Variants in SUGCT observed in about 807,000 individuals in gnomAD.
The protein encoded by SUGCT is succinyl-CoA:glutarate CoA-transferase.
In SUGCT, 41 loss-of-function variants were observed where a neutral mutation model predicts 55.0. The observed-to-expected ratio is 0.74, with a 90% CI of 0.58 to 0.97. The LOEUF (loss-of-function observed/expected upper bound fraction) is 0.97, where lower values mean the gene tolerates loss of function less well. Ranked by LOEUF, SUGCT falls within the 50% of genes least tolerant of loss-of-function variation. The pLI, the probability that SUGCT is intolerant of heterozygous loss-of-function variation, is 0.00. For synonymous variants in SUGCT, 187 were observed against 200.4 expected (o/e 0.93, Z 0.56); for missense variants, 568 against 547.8 (o/e 1.04, Z -0.37).
At chr7:40,274,720 G>T in intron 8 of SUGCT, 64 bp downstream of exon 8, 2 of 1,480,450 alleles carry the variant, frequency 1.4e-6, no homozygotes, top group Non-Finnish European at 1.9e-6. Flanking sequence ...TACCTTTTCA[G>T]ATCAAATTCT....
intron 11 of SUGCT, among the ~76,000 whole-genome samples, chr7:40,467,475 A>C (rs893249841): frequency 6.6e-6 from 1 of 152,194 alleles, no homozygotes; most frequent in Non-Finnish European, 1.5e-5. Context: ...TTATTTAAAA[A>C]TGTACAGTGA....
At chr7:40,253,582 A>G (rs1345106319) in intron 7 of SUGCT, among the ~76,000 whole-genome samples, 2 of 146,414 alleles carry the variant, frequency 1.4e-5, no homozygotes, top group African/African-American at 5.0e-5. Context: ...TTTTTTTTTG[A>G]GGCGGAGCCT....
intron 13 of SUGCT, among the ~76,000 whole-genome samples, chr7:40,844,769 GA>G (rs1461215352): frequency 6.6e-6 from 1 of 152,206 alleles, no homozygotes; most frequent in Non-Finnish European, 1.5e-5. Context: ...GTATCAATAG[GA>G]AGCTCTCACA....
At chr7:40,624,474 C>A (rs371620263) in intron 12 of SUGCT, among the ~76,000 whole-genome samples, 2 of 151,984 alleles carry the variant, frequency 1.3e-5, no homozygotes, top group Admixed American at 6.6e-5. Flanking sequence ...TGCTTATATA[C>A]CTACTATATA....
intron 12 of SUGCT, among the ~76,000 whole-genome samples, chr7:40,540,374 T>G (rs1038874046): frequency 6.6e-6 from 1 of 152,258 alleles, no homozygotes; most frequent in Non-Finnish European, 1.5e-5. Context: ...AGCTGGTATA[T>G]TGCAGAGCCA....
intron 11 of SUGCT, among the ~76,000 whole-genome samples, chr7:40,474,587 T>C (rs1790560010): frequency 6.6e-6 from 1 of 152,158 alleles, no homozygotes; most frequent in African/African-American, 2.4e-5. Context: ...GTCAGCAGCA[T>C]GGAACTGTTT....
chr7:40,567,427 T>C (rs887639234), intron 12 of SUGCT, among the ~76,000 whole-genome samples: 6 of 152,230 alleles, frequency 3.9e-5, no homozygotes, highest in Non-Finnish European at 2.9e-5. Context: ...GATTTTTTTC[T>C]TAGGAGTTTA....
intron 12 of SUGCT, among the ~76,000 whole-genome samples, chr7:40,592,773 G>A (rs1041005465): frequency 6.6e-6 from 1 of 152,136 alleles, no homozygotes; most frequent in Non-Finnish European, 1.5e-5. Flanking sequence ...GCAAGTCTAT[G>A]TTTTGTTTTG....
chr7:40,739,326 A>G (rs1787343330), intron 12 of SUGCT, among the ~76,000 whole-genome samples: 1 of 152,150 alleles, frequency 6.6e-6, no homozygotes, highest in Non-Finnish European at 1.5e-5. Flanking sequence ...CAAGAATGCT[A>G]TGTTCAATGA....
At chr7:40,817,406 C>T (rs1393047093) in intron 13 of SUGCT, among the ~76,000 whole-genome samples, 1 of 151,884 alleles carries the variant, frequency 6.6e-6, no homozygotes, top group South Asian at 2.1e-4. Context: ...TGATAGAGGC[C>T]GGGAGTAGTG....
At chr7:40,898,199 A>T in the SUGCT span, among the ~76,000 whole-genome samples, 1 of 152,130 alleles carries the variant, frequency 6.6e-6, no homozygotes, top group Non-Finnish European at 1.5e-5. Flanking sequence ...TGGACGTGCC[A>T]CTTTTATGAA....
chr7:40,590,923 T>A (rs1797684925), intron 12 of SUGCT, among the ~76,000 whole-genome samples: 1 of 152,192 alleles, frequency 6.6e-6, no homozygotes, highest in African/African-American at 2.4e-5. Context: ...AAAATTATTT[T>A]AAAATATTAT....
At chr7:40,768,746 G>C (rs1047515183) in intron 13 of SUGCT, among the ~76,000 whole-genome samples, 1 of 152,174 alleles carries the variant, frequency 6.6e-6, no homozygotes, top group Non-Finnish European at 1.5e-5. Context: ...TTGATGCTTG[G>C]TGTCACATTT....
chr7:40,502,802 CT>C (rs755230308), intron 12 of SUGCT, among the ~76,000 whole-genome samples: 4 of 152,034 alleles, frequency 2.6e-5, no homozygotes, highest in Non-Finnish European at 5.9e-5. Flanking sequence ...GCTTTCCTCA[CT>C]TTTTAGTTAT....
At chr7:40,148,021 A>G (rs1314553652) in intron 1 of SUGCT, among the ~76,000 whole-genome samples, 2 of 152,140 alleles carry the variant, frequency 1.3e-5, no homozygotes, top group South Asian at 2.1e-4. Context: ...TTGTTCCCCT[A>G]TTGGCTAGGG....
intron 11 of SUGCT, among the ~76,000 whole-genome samples, chr7:40,484,255 T>C (rs1791210748): frequency 6.6e-6 from 1 of 152,218 alleles, no homozygotes; most frequent in Non-Finnish European, 1.5e-5. Context: ...TGTGAGTATC[T>C]TAATACTTCA....
At chr7:40,951,644 G>T in the SUGCT span, among the ~76,000 whole-genome samples, 1 of 151,944 alleles carries the variant, frequency 6.6e-6, no homozygotes, top group African/African-American at 2.4e-5. Context: ...AGAGATTCTG[G>T]TATGTTGTGT....
chr7:40,958,063 A>T, the SUGCT span, among the ~76,000 whole-genome samples: 41 of 152,120 alleles, frequency 2.7e-4, no homozygotes, highest in African/African-American at 9.2e-4. Flanking sequence ...TTTGTGGGTA[A>T]CTCAATCTTT....
At chr7:40,984,060 A>C in the SUGCT span, among the ~76,000 whole-genome samples, 4 of 152,108 alleles carry the variant, frequency 2.6e-5, no homozygotes, top group African/African-American at 9.7e-5. Flanking sequence ...TCAGAGCCCC[A>C]GTGGAAGCTC....
Sources: gnomAD v4.1 joint callset for allele counts (sites outside exome capture counted in the v4.1 genomes callset) on GRCh38, gnomAD v4.1.1 for gene constraint, MANE v1.5 for transcripts, NCBI Gene and HGNC (gene_info 2026-07-23, HGNC 2026-07-21) for gene names.